The following PAX2 variants were observed in gnomAD, a reference collection of about 807,000 sequenced individuals.
PAX2 encodes paired box 2.
Under a neutral mutation model 41.7 loss-of-function variants are expected in PAX2, and 9 were observed. The observed-to-expected ratio is 0.22, with a 90% CI of 0.13 to 0.38. The LOEUF is 0.38. Ranked by LOEUF, PAX2 falls within the 10% of genes least tolerant of loss-of-function variation. The pLI, the probability that PAX2 is intolerant of heterozygous loss-of-function variation, is 1.00. For synonymous variants in PAX2, 221 were observed against 212.7 expected, an observed-to-expected ratio of 1.04 and a Z score of -0.34; for missense variants, 418 against 531.6, an observed-to-expected ratio of 0.79 and a Z score of 2.10.
Position 100,827,548 on chromosome 10 carries a change from C to G in PAX2, c.1114C>G (p.Pro372Ala), listed in dbSNP as rs759572566. ...TCTCCTGTGTTAACTTCCAGGTTCC[C>G]CTTATTATTATAGTGCCGCCCCCCG... is the stretch of plus-strand genomic sequence containing the variant. The part of the protein sequence containing the change: ...RFSNPALLSS[P>A]YYYSAAPRGS... Residue 372 changes from proline (P) to alanine (A), a missense_variant, in exon 10 of 10, where the codon CCT becomes GCT. Transcript: ENST00000355243. The surrounding 1 kb of genome is among the most constrained non-coding windows in gnomAD (Gnocchi z 8.5). 2 of 1,613,836 alleles carry G rather than the reference C, an allele frequency of 1.2e-6. No homozygotes were observed. The highest frequency in any genetic ancestry group is 2.2e-5 in the South Asian group (2 of 91,076).
intron 5 of PAX2, among the ~76,000 whole-genome samples, chr10:100,802,558 G>A (rs375634352): frequency 1.6e-4 from 24 of 152,172 alleles, no homozygotes; most frequent in African/African-American, 5.1e-4. Flanking sequence ...ATGAGAGACT[G>A]GGTGTCCTTG....
rs1312985800 is a variant in PAX2, at chr10:100,827,438, C to T, written c.1109-105C>T. 7 of 1,196,126 alleles carry T rather than the reference C, an allele frequency of 5.9e-6. No individual in the cohort carries two copies. Among genetic ancestry groups the T allele is most frequent in the Non-Finnish European group, 7.5e-6 (6 of 803,986 alleles). The allele number at this position is 1,196,126 out of a possible 1,614,324, so 74.1% of individuals were successfully genotyped here. On this transcript the variant is annotated intron_variant, in intron 9 of 9. Transcript: ENST00000355243. The surrounding 1 kb of genome is among the most constrained non-coding windows in gnomAD (Gnocchi z 8.5). ...AGCCAAGGTCTCCCAGTCCGGATCC[C>T]GCTGGACCCCAGCCAGGGGAGGTCT...
chr10:100,809,028 G>A, intron 6 of PAX2, 82 bp from the exon 7 acceptor site: 1 of 1,377,016 alleles, frequency 7.3e-7, no homozygotes, highest in South Asian at 1.2e-5. Flanking sequence ...GGGCTCCCCT[G>A]TTCCTCCTCC....
At chr10:100,780,657 C>G (rs17113450) in intron 4 of PAX2, among the ~76,000 whole-genome samples, 17,712 of 152,174 alleles carry the variant, frequency 0.12, 3,105 homozygotes, top group African/African-American at 0.38. Flanking sequence ...CCAAAAGCAG[C>G]TGAGAGAGAG....
rs144865600 is a variant in PAX2, at chr10:100,762,964, C to T, written c.410+12073C>T. 2.6e-5 allele frequency among the ~76,000 whole-genome samples: 4 copies of T among 152,246 alleles called. No homozygotes were observed. The East Asian group carries it at 5.8e-4, about 22-fold the overall frequency. On this transcript the variant is annotated intron_variant, in intron 3 of 9. Coordinates refer to ENST00000355243, the MANE Select transcript of PAX2 (RefSeq NM_000278.5). Reference sequence around the variant, plus strand: ...TGCAGGGATCTGATTGGGTACAGTTCGGTAGGCAGTCGAGGATACAGCTGT... The same window carrying T: ...TGCAGGGATCTGATTGGGTACAGTTTGGTAGGCAGTCGAGGATACAGCTGT...
chr10:100,811,802 C>T (rs939427867), intron 7 of PAX2, among the ~76,000 whole-genome samples: 3 of 152,114 alleles, frequency 2.0e-5, no homozygotes, highest in Non-Finnish European at 4.4e-5. Flanking sequence ...TTAGGAGTGC[C>T]GAGGTGTTCA....
chr10:100,816,556 C>G (rs1020205745), intron 7 of PAX2, among the ~76,000 whole-genome samples: 4 of 152,172 alleles, frequency 2.6e-5, no homozygotes, highest in Non-Finnish European at 5.9e-5. Context: ...TCAGTGGCCT[C>G]AAAGCCACCT....
At chr10:100,787,966 G>A (rs1175956641) in intron 5 of PAX2, among the ~76,000 whole-genome samples, 2 of 152,126 alleles carry the variant, frequency 1.3e-5, no homozygotes, top group South Asian at 2.1e-4. Flanking sequence ...GGCACCGAGG[G>A]AGGTGGGGGA....
intron 5 of PAX2, chr10:100,786,896 T>C: frequency 8.4e-7 from 1 of 1,194,610 alleles, no homozygotes; most frequent in Non-Finnish European, 1.2e-6. Flanking sequence ...TCTGCCTGCC[T>C]GTCTTTCGGG....
chr10:100,802,759 T>C (rs1847610126), intron 5 of PAX2, among the ~76,000 whole-genome samples: 1 of 152,172 alleles, frequency 6.6e-6, no homozygotes, highest in Non-Finnish European at 1.5e-5. Flanking sequence ...AAGGGGCTGT[T>C]GGATAGGGGA....
chr10:100,811,596 G>A (rs1564740367), intron 7 of PAX2, among the ~76,000 whole-genome samples: 4 of 152,260 alleles, frequency 2.6e-5, no homozygotes, highest in Admixed American at 2.0e-4. Context: ...AGGCAGAGCT[G>A]GAGTGCGGGA....
Position 100,826,410 on chromosome 10 carries a change from G to A in PAX2, c.1022-599G>A, listed in dbSNP as rs1761648176. 6.6e-6 allele frequency among the ~76,000 whole-genome samples: 1 copy of A among 152,200 alleles called. No individual in the cohort carries two copies. Among genetic ancestry groups the A allele is most frequent in the Non-Finnish European group, 1.5e-5 (1 of 68,026 alleles). ...CCCACGGGCCCTCCGCTCACCGCTA[G>A]CGGACCAGCGGGCAGTCCACCTGCG... On this transcript the variant is annotated intron_variant, in intron 8 of 9. Transcript: ENST00000355243. This position sits in a 1 kb window ranked among gnomAD's most constrained non-coding sequence, Gnocchi z 5.5.
rs1845288865 is a variant in PAX2, at chr10:100,748,391, T to A, written c.44-1355T>A. 1.0e-6 allele frequency: 1 copy of A among 980,070 alleles called. No homozygotes were observed. The highest frequency in any genetic ancestry group is 1.9e-5 in the African/African-American group (1 of 52,750). The allele number at this position is 980,070 out of a possible 1,614,324, so 60.7% of individuals were successfully genotyped here. On this transcript the variant is annotated intron_variant, in intron 1 of 9. Coordinates refer to ENST00000355243, the MANE Select transcript of PAX2 (RefSeq NM_000278.5). The surrounding 1 kb of genome is among the most constrained non-coding windows in gnomAD (Gnocchi z 5.0). ...TCTCCCAGCAACGCGATCAGAGGTCTTTCCCCAGGGTTTCACCGAGCTTGC... is the reference window on the plus strand; with the variant it reads ...TCTCCCAGCAACGCGATCAGAGGTCATTCCCCAGGGTTTCACCGAGCTTGC...
At position 100,828,275 on chromosome 10, in the gene PAX2, G is replaced by C. The variant is rs759096283; in HGVS notation, c.*656G>C. 1.0e-3 allele frequency: 236 copies of C among 232,660 alleles called. No individual in the cohort carries two copies. Among genetic ancestry groups the C allele is most frequent in the Non-Finnish European group, 1.8e-3 (207 of 117,850 alleles). The allele number at this position is 232,660 out of a possible 1,614,324, so 14.4% of individuals were successfully genotyped here. A position where few individuals can be genotyped will look rare whatever the true frequency, so the allele number is the denominator to read the frequency against. ...GGTCCGGCTCTAGGAACGGGCTTTG[G>C]GGGCGTCAGGTCTTTCCAAGGTTGG... On this transcript the variant is annotated 3_prime_UTR_variant, in exon 10 of 10. Transcript: ENST00000355243. This position sits in a 1 kb window ranked among gnomAD's most constrained non-coding sequence, Gnocchi z 6.5.
intron 7 of PAX2, among the ~76,000 whole-genome samples, chr10:100,815,821 G>T (rs1848167438): frequency 6.6e-6 from 1 of 152,198 alleles, no homozygotes; most frequent in Non-Finnish European, 1.5e-5. Context: ...CCATGTCCTT[G>T]TCTGTGCCTA....
At chr10:100,765,335 CAA>C (rs1845982033) in intron 3 of PAX2, among the ~76,000 whole-genome samples, 1 of 152,170 alleles carries the variant, frequency 6.6e-6, no homozygotes, top group Non-Finnish European at 1.5e-5. Flanking sequence ...ATTCTTGCCT[CAA>C]GTTCTCCCTG....
chr10:100,742,426 G>A (rs1381624876), upstream of PAX2, among the ~76,000 whole-genome samples: 1 of 151,802 alleles, frequency 6.6e-6, no homozygotes, highest in Admixed American at 6.6e-5. Context: ...AAACCAGGCC[G>A]GCAGTAGCTC....
At position 100,748,435 on chromosome 10, in the gene PAX2, A is replaced by G; in HGVS notation, c.44-1311A>G. ...AGCTTGCTCTAGGTACCCCCCGAGA[A>G]AGGGAGGGGAGAGAAATGAGGGGGG... On this transcript the variant is annotated intron_variant, in intron 1 of 9. Transcript: ENST00000355243. The surrounding 1 kb of genome is among the most constrained non-coding windows in gnomAD (Gnocchi z 5.0). 1 of 984,558 alleles carries G rather than the reference A, an allele frequency of 1.0e-6. No homozygotes were observed. The highest frequency in any genetic ancestry group is 1.2e-6 in the Non-Finnish European group (1 of 829,678). The allele number at this position is 984,558 out of a possible 1,614,324, so 61.0% of individuals were successfully genotyped here. A position where few individuals can be genotyped will look rare whatever the true frequency, so the allele number is the denominator to read the frequency against.
intron 3 of PAX2, among the ~76,000 whole-genome samples, chr10:100,756,246 G>A (rs1237509783): frequency 3.9e-5 from 6 of 152,174 alleles, no homozygotes; most frequent in Non-Finnish European, 8.8e-5. Context: ...CTGCTTCCCA[G>A]TCTTCTTAGC....
Sources: allele counts gnomAD v4.1 joint callset (sites outside exome capture counted in the v4.1 genomes callset), GRCh38; gene constraint gnomAD v4.1.1; non-coding constraint Gnocchi (gnomAD v3.1); transcripts MANE v1.5; gene names NCBI Gene and HGNC (gene_info 2026-07-23, HGNC 2026-07-21).